CDH24: variants seen among roughly 807,000 people sequenced by gnomAD.
CDH24 encodes cadherin-24.
A neutral mutation model predicts 71.2 loss-of-function variants in CDH24; 61 were observed. The ratio of observed to expected loss-of-function variants is 0.86; its 90% CI spans 0.70 to 1.06. The LOEUF (loss-of-function observed/expected upper bound fraction) is 1.06, where lower values mean the gene tolerates loss of function less well. Among genes scored for constraint, CDH24 ranks in the 50% least tolerant of loss-of-function variants. CDH24 has a pLI of 0.00. For synonymous variants in CDH24, 440 were observed against 470.2 expected (o/e 0.94, Z 0.83); for missense variants, 961 against 1,083.7 (o/e 0.89, Z 1.59).
chr14:23,050,288 G>A lies in CDH24; in HGVS notation c.1364-345C>T, dbSNP rs567673323. ...GCATACGAGTTGCATGCAGACAACA[G>A]CCATGAATATACAAAACACATTCAT... On this transcript the variant is annotated intron_variant, in intron 8 of 12. Transcript: ENST00000487137. 6 of 222,118 alleles carry A rather than the reference G, an allele frequency of 2.7e-5. No individual in the cohort carries two copies. The East Asian group carries it at 4.4e-4, about 16-fold the overall frequency. 13.8% of individuals were successfully genotyped at this position (222,118 alleles called of 1,614,324 possible).
Position 23,055,794 on chromosome 14 carries a change from C to A in CDH24, c.-61G>T. On this transcript the variant is annotated 5_prime_UTR_variant, in exon 2 of 13. Coordinates refer to ENST00000487137, the MANE Select transcript of CDH24 (RefSeq NM_144985.4). The surrounding 1 kb of genome is among the most constrained non-coding windows in gnomAD (Gnocchi z 4.1). The stretch of plus-strand genomic sequence containing the variant: ...TGGGTGCTGAGGCTGGGCCAGGCCA[C>A]GTGGCCCATGAGCTGGCTGGGGTGG... 1 of 1,418,062 alleles carries A rather than the reference C, an allele frequency of 7.1e-7. No individual in the cohort carries two copies. The highest frequency in any genetic ancestry group is 9.4e-7 in the Non-Finnish European group (1 of 1,067,268). 87.8% of individuals were successfully genotyped at this position (1,418,062 alleles called of 1,614,324 possible).
In CDH24 at chr14:23,054,010, A is replaced by G; in HGVS notation, c.972+131T>C. On this transcript the variant is annotated intron_variant, in intron 6 of 12. Coordinates refer to ENST00000487137, the MANE Select transcript of CDH24 (RefSeq NM_144985.4). The surrounding 1 kb of genome is among the most constrained non-coding windows in gnomAD (Gnocchi z 5.2). ...GCTCCAGGGCCTCATCTGAAGGATG[A>G]GGAGGTGACCATGATCTCTAAGCTC... The G allele has an allele frequency of 9.9e-7, 1 of 1,013,072 alleles. No individual in the cohort carries two copies. The highest frequency in any genetic ancestry group is 1.4e-6 in the Non-Finnish European group (1 of 700,052). The allele number at this position is 1,013,072 out of a possible 1,614,324, so 62.8% of individuals were successfully genotyped here. A position where few individuals can be genotyped will look rare whatever the true frequency, so the allele number is the denominator to read the frequency against.
chr14:23,050,165 A>G (rs112618599), intron 8 of CDH24: 11 of 539,130 alleles, frequency 2.0e-5, no homozygotes, highest in Non-Finnish European at 2.5e-5. Context: ...TGTGCGATAC[A>G]CAATAGACAT....
Position 23,052,500 on chromosome 14 carries a change from T to A in CDH24, c.1336A>T (p.Asn446Tyr). Residue 446 changes from asparagine to tyrosine, a missense_variant, in exon 8 of 13, where the codon AAC (asparagine) becomes TAC (tyrosine). By Grantham distance (143) the Asn-to-Tyr change is moderately radical (BLOSUM62 -2). This residue lies in a region of CDH24 where 671 missense variants were observed against 810.9 expected (regional missense o/e 0.83). Coordinates refer to ENST00000487137, the MANE Select transcript of CDH24 (RefSeq NM_144985.4). Reference sequence around the variant, plus strand: ...AGCTCTGTAGCCAGCACAGTGAGGTTGTGCCAGGCGCGAGCCTCGCGATCC... The same window carrying A: ...AGCTCTGTAGCCAGCACAGTGAGGTAGTGCCAGGCGCGAGCCTCGCGATCC... ...PLDREARAWHNLTVLATELDS... is the reference protein window; with the variant it reads ...PLDREARAWHYLTVLATELDS... 6.2e-7 allele frequency: 1 copy of A among 1,613,980 alleles called. No individual in the cohort carries two copies. Among genetic ancestry groups the A allele is most frequent in the Non-Finnish European group, 8.5e-7 (1 of 1,180,020 alleles).
intron 8 of CDH24, 101 bp downstream of exon 8, chr14:23,052,372 T>A: frequency 7.9e-7 from 1 of 1,268,924 alleles, no homozygotes; most frequent in Non-Finnish European, 1.1e-6. Flanking sequence ...CGCACGCTGG[T>A]GAGGGTGCGA....
At chr14:23,056,399 G>C (rs1273129624) in intron 1 of CDH24, among the ~76,000 whole-genome samples, 1 of 152,224 alleles carries the variant, frequency 6.6e-6, no homozygotes, top group Non-Finnish European at 1.5e-5. Context: ...GACTGGGCTC[G>C]TGAGACAGGA....
chr14:23,049,070 G>C lies in CDH24; in HGVS notation c.1803C>G (p.Thr601=). ...AGGTGATGATGGCAAGCAGGGCGCC[G>C]GTGCTGAGCCCAGCAGCTGAGAGGT... is the stretch of plus-strand genomic sequence containing the variant. The part of the protein sequence containing the change: ...EAHLSAAGLS[T]GALLAIITCV... Residue 601 remains threonine, a synonymous_variant, in exon 11 of 13, where the codon ACC becomes ACG. Transcript: ENST00000487137. 2 of 1,612,642 alleles carry C rather than the reference G, an allele frequency of 1.2e-6. No homozygotes were observed. Among genetic ancestry groups the C allele is most frequent in the South Asian group, 2.2e-5 (2 of 90,972 alleles).
rs977328904 is a variant in CDH24, at chr14:23,050,045, A to G, written c.1364-102T>C. On this transcript the variant is annotated intron_variant, in intron 8 of 12. Coordinates refer to ENST00000487137, the MANE Select transcript of CDH24 (RefSeq NM_144985.4). Reference sequence around the variant, plus strand: ...ATGGATGCCACATGAAGCATATAGCATGCACAAGAAACACATGAAATATGC... The same window carrying G: ...ATGGATGCCACATGAAGCATATAGCGTGCACAAGAAACACATGAAATATGC... 3.4e-6 allele frequency: 5 copies of G among 1,485,362 alleles called. No individual in the cohort carries two copies. In the African/African-American group the frequency reaches 5.5e-5, roughly 16 times the overall value. 92.0% of individuals were successfully genotyped at this position (1,485,362 alleles called of 1,614,324 possible).
Position 23,054,149 on chromosome 14 carries a change from C to A in CDH24, c.964G>T (p.Val322Phe), listed in dbSNP as rs1270251312. 6.3e-7 allele frequency: 1 copy of A among 1,595,542 alleles called. No homozygotes were observed. Among genetic ancestry groups the A allele is most frequent in the Admixed American group, 1.7e-5 (1 of 57,652 alleles). The change falls in exon 6 of 13, where the codon GTC becomes TTC. Residue 322 changes from valine (V) to phenylalanine (F), a missense_variant. Physicochemically the swap from Val to Phe is conservative, Grantham distance 50. Coordinates refer to ENST00000487137, the MANE Select transcript of CDH24 (RefSeq NM_144985.4). The surrounding 1 kb of genome is among the most constrained non-coding windows in gnomAD (Gnocchi z 5.2). The part of the protein sequence containing the change: ...DLQGRDGLLT[V>F]RKPLDFESQR... The stretch of plus-strand genomic sequence containing the variant: ...ACAGGCAGGAGGCTAACCTTGCGGA[C>A]AGTGAGGAGCCCGTCTCGACCCTGC...
In CDH24 at chr14:23,048,495, G is replaced by A. The variant is rs1301909741; in HGVS notation, c.1847-16C>T. ...ACCACCAGGGCTGCGCGAGAGGCGC[G>A]CACACAGGCCCTGAGCCAGCAGGGC... On this transcript the variant is annotated splice_polypyrimidine_tract_variant and intron_variant, in intron 11 of 12. Coordinates refer to ENST00000487137, the MANE Select transcript of CDH24 (RefSeq NM_144985.4). The A allele has an allele frequency of 1.2e-6, 2 of 1,600,134 alleles. No individual in the cohort carries two copies. Among genetic ancestry groups the A allele is most frequent in the Admixed American group, 1.7e-5 (1 of 59,792 alleles).
At chr14:23,048,574 G>T in intron 11 of CDH24, 95 bp from the exon 12 acceptor site, 2 of 1,300,356 alleles carry the variant, frequency 1.5e-6, no homozygotes, top group Non-Finnish European at 1.1e-6. Flanking sequence ...GGTGACAGAA[G>T]CCCTGTGCTT....
chr14:23,055,126 G>T lies in CDH24; in HGVS notation c.429C>A (p.Ile143=). 1.2e-6 allele frequency: 2 copies of T among 1,614,118 alleles called. No individual in the cohort carries two copies. The highest frequency in any genetic ancestry group is 1.7e-6 in the Non-Finnish European group (2 of 1,180,008). The change falls in exon 3 of 13, where the codon ATC becomes ATA. Residue 143 remains isoleucine, a synonymous_variant. Coordinates refer to ENST00000487137, the MANE Select transcript of CDH24 (RefSeq NM_144985.4). This position sits in a 1 kb window ranked among gnomAD's most constrained non-coding sequence, Gnocchi z 4.1. ...PSEFIIKVQD[I]NDNPPIFPLG... ...GGGGAAAAATGGGTGGATTGTCGTT[G>T]ATGTCTTGCACTTTGATGATGAACT... is the stretch of plus-strand genomic sequence containing the variant.
In CDH24 at chr14:23,054,099, G is replaced by A. The variant is rs936850463; in HGVS notation, c.972+42C>T. On this transcript the variant is annotated intron_variant, in intron 6 of 12. Coordinates refer to ENST00000487137, the MANE Select transcript of CDH24 (RefSeq NM_144985.4). The surrounding 1 kb of genome is among the most constrained non-coding windows in gnomAD (Gnocchi z 5.2). ...AAATATGTGCCCTGTGGGTCGGCAG[G>A]AGGCAGGTCTAAGAGAAAGCATTAA... 7.8e-6 allele frequency: 12 copies of A among 1,531,718 alleles called. No individual in the cohort carries two copies. The African/African-American group carries it at 1.5e-4, about 19-fold the overall frequency. The allele number at this position is 1,531,718 out of a possible 1,614,324, so 94.9% of individuals were successfully genotyped here. A position where few individuals can be genotyped will look rare whatever the true frequency, so the allele number is the denominator to read the frequency against.
At chr14:23,053,416 G>A in intron 7 of CDH24, 80 bp downstream of exon 7, 1 of 1,407,662 alleles carries the variant, frequency 7.1e-7, no homozygotes, top group African/African-American at 1.4e-5. Context: ...TTTGCTATAA[G>A]GTAGGGGGCA....
chr14:23,048,184 G>A lies in CDH24; in HGVS notation c.2142C>T (p.Asp714=), dbSNP rs1156244184. The change falls in exon 12 of 13, where the codon GAC becomes GAT. Residue 714 remains aspartate (D), a synonymous_variant. Transcript: ENST00000487137. ...QLLALRLREA[D]EDPGVPPYDS... is the part of the protein sequence containing the mutation. ...CGTACGGGGGTACGCCGGGGTCCTCGTCCGCCTCGCGGAGCCGCAGCGCCA... is the reference window on the plus strand; with the variant it reads ...CGTACGGGGGTACGCCGGGGTCCTCATCCGCCTCGCGGAGCCGCAGCGCCA... 2 of 1,343,566 alleles carry A rather than the reference G, an allele frequency of 1.5e-6. No individual in the cohort carries two copies. Among genetic ancestry groups the A allele is most frequent in the Non-Finnish European group, 9.6e-7 (1 of 1,043,910 alleles). The allele number at this position is 1,343,566 out of a possible 1,614,324, so 83.2% of individuals were successfully genotyped here.
At chr14:23,048,845 G>T (rs2047062680) in intron 11 of CDH24, among the ~76,000 whole-genome samples, 182 bp downstream of exon 11, 1 of 152,212 alleles carries the variant, frequency 6.6e-6, no homozygotes, top group Non-Finnish European at 1.5e-5. Context: ...TGTCATTATG[G>T]ATTGGCAGGT....
intron 7 of CDH24, 144 bp downstream of exon 7, chr14:23,053,352 G>T: frequency 9.7e-7 from 1 of 1,029,050 alleles, no homozygotes; most frequent in Non-Finnish European, 1.4e-6. Flanking sequence ...ACCCAGGCCT[G>T]CAGACCAGCA....
chr14:23,053,492 C>CTT lies in CDH24; in HGVS notation c.1226+3_1226+4insAA. ...CTCCCCAGCCCACATCCCAGCTCAC[C>CTT]TACCTGATTGGGCTGGCAGGGGAGT... On this transcript the variant is annotated splice_donor_region_variant and intron_variant, in intron 7 of 12. Transcript: ENST00000487137. The CTT allele has an allele frequency of 1.3e-6, 2 of 1,566,326 alleles. No individual in the cohort carries two copies. Among genetic ancestry groups the CTT allele is most frequent in the Non-Finnish European group, 1.7e-6 (2 of 1,149,000 alleles).
In CDH24 at chr14:23,057,032, A is replaced by C. The variant is rs991327610; in HGVS notation, c.-125+371T>G. On this transcript the variant is annotated intron_variant, in intron 1 of 12. Coordinates refer to ENST00000487137, the MANE Select transcript of CDH24 (RefSeq NM_144985.4). This position sits in a 1 kb window ranked among gnomAD's most constrained non-coding sequence, Gnocchi z 5.4. Reference sequence around the variant, plus strand: ...GGAAACAGGATAGCAGGAAGGGGAGAGGAGAGGGAGGGAAAGGAGAGCAAG... The same window carrying C: ...GGAAACAGGATAGCAGGAAGGGGAGCGGAGAGGGAGGGAAAGGAGAGCAAG... Among the ~76,000 whole-genome samples the C allele has an allele frequency of 4.6e-5, 7 of 151,706 alleles. No individual in the cohort carries two copies. The highest frequency in any genetic ancestry group is 1.7e-4 in the African/African-American group (7 of 41,354).
Sources: allele counts gnomAD v4.1 joint callset (sites outside exome capture counted in the v4.1 genomes callset), GRCh38; gene constraint gnomAD v4.1.1; regional missense constraint gnomAD v4.1.1; non-coding constraint Gnocchi (gnomAD v3.1); transcripts MANE v1.5; gene names NCBI Gene and HGNC (gene_info 2026-07-23, HGNC 2026-07-21).